The following CDH19 variants were observed in gnomAD, a reference collection of about 807,000 sequenced individuals.
CDH19 encodes the protein cadherin-19.
In CDH19, 67 loss-of-function variants were observed where a neutral mutation model predicts 64.2. The observed-to-expected ratio is 1.04, with a 90% CI of 0.86 to 1.28. The LOEUF is 1.28. Among genes scored for constraint, CDH19 ranks in the 50% most tolerant of loss-of-function variants. CDH19 has a pLI of 0.00. For missense variants in CDH19, 1,030 were observed against 929.0 expected (o/e 1.11, Z -1.41); for synonymous variants, 346 against 319.3 (o/e 1.08, Z -0.89).
intron 2 of CDH19, 141 bp from the exon 3 acceptor site, chr18:66,568,851 A>C: frequency 6.2e-6 from 4 of 642,618 alleles, no homozygotes; most frequent in Non-Finnish European, 7.8e-6. Flanking sequence ...AATGAGGCAA[A>C]ATATTAATAT....
intron 1 of CDH19, among the ~76,000 whole-genome samples, chr18:66,593,352 T>C (rs1254488973): frequency 6.6e-6 from 1 of 152,010 alleles, no homozygotes; most frequent in Non-Finnish European, 1.5e-5. Flanking sequence ...AATTGATATC[T>C]AAAATGTTCT....
chr18:66,557,515 T>G (rs1987562300), intron 3 of CDH19, among the ~76,000 whole-genome samples: 1 of 152,024 alleles, frequency 6.6e-6, no homozygotes, highest in African/African-American at 2.4e-5. Flanking sequence ...ATCTGTGATA[T>G]TATAAATATT....
rs574167959 is a variant in CDH19, at chr18:66,553,353, A to T, written c.610+1052T>A. Among the ~76,000 whole-genome samples the T allele has an allele frequency of 3.0e-5, 4 of 134,274 alleles. No individual in the cohort carries two copies. In the East Asian group the frequency reaches 7.7e-4, roughly 26 times the overall value. 88.1% of individuals were successfully genotyped at this position (134,274 alleles called of 152,430 possible). ...TCTAATGTTTTGAGGCATTCATTGC[A>T]TATAATAAAATAATTTTTCTTCCAT... On this transcript the variant is annotated intron_variant, in intron 4 of 11. Coordinates refer to ENST00000262150, the MANE Select transcript of CDH19 (RefSeq NM_021153.4).
chr18:66,539,197 G>A (rs74501412), intron 7 of CDH19, among the ~76,000 whole-genome samples: 2,491 of 152,058 alleles, frequency 0.016, 40 homozygotes, highest in Middle Eastern at 0.034. Context: ...GAATTATCTA[G>A]GCAATAATCA....
intron 1 of CDH19, among the ~76,000 whole-genome samples, chr18:66,578,150 T>C (rs1361057516): frequency 6.6e-6 from 1 of 151,928 alleles, no homozygotes; most frequent in Non-Finnish European, 1.5e-5. Flanking sequence ...GTGAAGACCT[T>C]GATATCTCTG....
At chr18:66,564,157 T>A (rs924242226) in intron 3 of CDH19, among the ~76,000 whole-genome samples, 16 of 151,888 alleles carry the variant, frequency 1.1e-4, no homozygotes, top group African/African-American at 3.9e-4. Context: ...ATTTAATATT[T>A]CTATAAAAGC....
At chr18:66,580,232 G>A (rs1988386095) in intron 1 of CDH19, among the ~76,000 whole-genome samples, 1 of 151,870 alleles carries the variant, frequency 6.6e-6, no homozygotes, top group South Asian at 2.1e-4. Context: ...CACTATTTTG[G>A]AGAATAATTT....
chr18:66,555,204 T>G (rs1190974093), intron 3 of CDH19, among the ~76,000 whole-genome samples: 1 of 151,868 alleles, frequency 6.6e-6, no homozygotes, highest in Non-Finnish European at 1.5e-5. Context: ...AAATATTTAT[T>G]CAAAAATATT....
rs760095635 is a variant in CDH19, at chr18:66,551,106, T to C, written c.763A>G (p.Ile255Val). 2 of 1,577,250 alleles carry C rather than the reference T, an allele frequency of 1.3e-6. No homozygotes were observed. Among genetic ancestry groups the C allele is most frequent in the Non-Finnish European group, 8.7e-7 (1 of 1,151,614 alleles). The change falls in exon 5 of 12, where the codon ATA (isoleucine) becomes GTA (valine). Residue 255 changes from isoleucine (I) to valine (V), a missense_variant. Physicochemically the swap from Ile to Val is conservative, Grantham distance 29. Transcript: ENST00000262150. ...CCTTTTTACTTACTTTCTTTAAATATAGGCTTATTGTCATTAACATCTGAA... is the reference window on the plus strand; with the variant it reads ...CCTTTTTACTTACTTTCTTTAAATACAGGCTTATTGTCATTAACATCTGAA... ...KLSDVNDNKP[I>V]FKESLYRLTV...
chr18:66,554,070 C>T (rs1987429609), intron 4 of CDH19, among the ~76,000 whole-genome samples: 1 of 151,902 alleles, frequency 6.6e-6, no homozygotes, highest in Admixed American at 6.6e-5. Context: ...TGCTTACTGG[C>T]TTTCTGTATA....
At chr18:66,598,592 A>G (rs1441247752) in intron 1 of CDH19, among the ~76,000 whole-genome samples, 1 of 152,142 alleles carries the variant, frequency 6.6e-6, no homozygotes, top group African/African-American at 2.4e-5. Context: ...ACAGAAAATC[A>G]AATACTGCAT....
intron 7 of CDH19, among the ~76,000 whole-genome samples, chr18:66,538,392 A>T (rs1986757345): frequency 6.6e-6 from 1 of 152,036 alleles, no homozygotes; most frequent in Admixed American, 6.6e-5. Flanking sequence ...CTGAACTTGG[A>T]CAAAAGAATA....
chr18:66,579,020 TGAG>T (rs1005259485), intron 1 of CDH19, among the ~76,000 whole-genome samples: 4 of 151,856 alleles, frequency 2.6e-5, no homozygotes, highest in Admixed American at 6.6e-5. Context: ...TGAAGGGACA[TGAG>T]GAGACTTTTG....
chr18:66,556,370 ATTTG>A (rs998494713), intron 3 of CDH19, among the ~76,000 whole-genome samples: 2 of 151,674 alleles, frequency 1.3e-5, no homozygotes, highest in African/African-American at 4.8e-5. Context: ...AGATCTCTAG[ATTTG>A]TTTATCTTAC....
chr18:66,549,916 T>C (rs1471316863), intron 5 of CDH19, among the ~76,000 whole-genome samples: 1 of 152,018 alleles, frequency 6.6e-6, no homozygotes, highest in African/African-American at 2.4e-5. Flanking sequence ...TGGAAGGAAG[T>C]CAGTGAAAGT....
intron 4 of CDH19, among the ~76,000 whole-genome samples, chr18:66,553,670 T>C (rs901034171): frequency 7.5e-6 from 1 of 132,614 alleles, no homozygotes; most frequent in Non-Finnish European, 1.5e-5. Context: ...TATATATATA[T>C]TTTTTCAGTG....
intron 1 of CDH19, among the ~76,000 whole-genome samples, chr18:66,598,520 C>T (rs1039567870): frequency 5.3e-5 from 8 of 152,092 alleles, no homozygotes; most frequent in African/African-American, 1.9e-4. Flanking sequence ...AAAATGAGAT[C>T]ATGTCCTTTG....
intron 1 of CDH19, among the ~76,000 whole-genome samples, chr18:66,595,176 T>A (rs1430847505): frequency 6.6e-6 from 1 of 151,734 alleles, no homozygotes; most frequent in Non-Finnish European, 1.5e-5. Flanking sequence ...TACCAGAATC[T>A]CTGGAACACT....
At chr18:66,593,142 C>A (rs899142317) in intron 1 of CDH19, among the ~76,000 whole-genome samples, 2 of 151,664 alleles carry the variant, frequency 1.3e-5, no homozygotes, top group Non-Finnish European at 2.9e-5. Flanking sequence ...TTGCATTTCC[C>A]TGATGATTAG....
Sources: gnomAD v4.1 joint callset for allele counts (sites outside exome capture counted in the v4.1 genomes callset) on GRCh38, gnomAD v4.1.1 for gene constraint, MANE v1.5 for transcripts, NCBI Gene and HGNC (gene_info 2026-07-23, HGNC 2026-07-21) for gene names.